The following ADGRV1 variants were observed in gnomAD, a reference collection of about 807,000 sequenced individuals.
ADGRV1 encodes the protein adhesion G protein-coupled receptor V1.
Under a neutral mutation model 596.2 loss-of-function variants are expected in ADGRV1, and 359 were observed. The ratio of observed to expected loss-of-function variants is 0.60; its 90% CI spans 0.55 to 0.66. The LOEUF (loss-of-function observed/expected upper bound fraction) is 0.66. ADGRV1 is among the 30% of genes least tolerant of loss of function. The pLI is 0.00. For missense variants in ADGRV1, 7,274 were observed against 7,575.6 expected, an observed-to-expected ratio of 0.96 and a Z score of 1.48; for synonymous variants, 2,681 against 2,679.2, an observed-to-expected ratio of 1.00 and a Z score of -0.02.
At chr5:90,672,772 C>T (rs753612137) in intron 22 of ADGRV1, 50 bp downstream of exon 22, 23 of 1,370,526 alleles carry the variant, frequency 1.7e-5, no homozygotes, top group Admixed American at 2.2e-5. Context: ...AAAGCTTTTC[C>T]TGAAGTGTTT....
Position 90,739,045 on chromosome 5 carries a change from A to G in ADGRV1, c.10550-6001A>G, listed in dbSNP as rs187137449. 1.6e-3 allele frequency among the ~76,000 whole-genome samples: 248 copies of G among 151,016 alleles called. 1 individual carries two copies. Among genetic ancestry groups the G allele is most frequent in the Non-Finnish European group, 2.4e-3 (164 of 67,758 alleles). Reference sequence around the variant, plus strand: ...CTTTAAGTATCCTATCTTTTAATTCACTAATTTTCTTTCTTCTGCTTGATC... The same window carrying G: ...CTTTAAGTATCCTATCTTTTAATTCGCTAATTTTCTTTCTTCTGCTTGATC... On this transcript the variant is annotated intron_variant, in intron 50 of 89. Transcript: ENST00000405460.
chr5:91,043,414 TG>T (rs1344931315), intron 85 of ADGRV1, among the ~76,000 whole-genome samples: 143 of 152,246 alleles, frequency 9.4e-4, no homozygotes, highest in Admixed American at 9.3e-3. Flanking sequence ...CTACCACTTT[TG>T]TAAGGAGACA....
intron 86 of ADGRV1, chr5:91,092,475 T>A (rs1001130594): frequency 1.3e-5 from 2 of 152,194 alleles, no homozygotes; most frequent in South Asian, 4.1e-4. Flanking sequence ...CAGGTCTGCA[T>A]GCTGAAAACA....
intron 83 of ADGRV1, among the ~76,000 whole-genome samples, chr5:90,909,582 C>A (rs1353585338): frequency 9.4e-6 from 1 of 106,592 alleles, no homozygotes. Context: ...ATGAAGGGTT[C>A]ATTTGTGGGA....
chr5:91,071,152 G>C (rs1049853215), intron 85 of ADGRV1, among the ~76,000 whole-genome samples: 1 of 152,168 alleles, frequency 6.6e-6, no homozygotes, highest in African/African-American at 2.4e-5. Context: ...AGAAGGGAGA[G>C]GGGGTGGAGG....
intron 25 of ADGRV1, among the ~76,000 whole-genome samples, chr5:90,678,306 AT>A (rs1350906518): frequency 6.6e-6 from 1 of 151,606 alleles, no homozygotes; most frequent in Non-Finnish European, 1.5e-5. Flanking sequence ...CTTTTTTTCT[AT>A]TGCTGTCATC....
rs79708454 is a variant in ADGRV1 at position 90,712,651 on chromosome 5, T to TA, written c.9184+224dup. Reference sequence around the variant, plus strand: ...GTATGTAAAAGACAAAGTAGGTTGATACTACAGATAATATTATTTCCTCAG... The same window carrying TA: ...GTATGTAAAAGACAAAGTAGGTTGATAACTACAGATAATATTATTTCCTCAG... On this transcript the variant is annotated intron_variant, in intron 42 of 89. Coordinates refer to ENST00000405460, the MANE Select transcript of ADGRV1 (RefSeq NM_032119.4). Among the ~76,000 whole-genome samples the TA allele has an allele frequency of 5.6e-4, 86 of 152,308 alleles. 1 individual carries two copies. In the East Asian group the frequency reaches 0.012, roughly 21 times the overall value.
Position 90,783,147 on chromosome 5 carries a change from A to AGG in ADGRV1, c.13255_13256insGG (p.Met4419ArgfsTer2). The AGG allele has an allele frequency of 6.2e-7, 1 of 1,613,568 alleles. No individual in the cohort carries two copies. ...AGTGGAGGAAGATGTTGGGCTGATC[A>AGG]TGATCCCAGTGGTGAGGCTACATGG... On this transcript the variant is annotated frameshift_variant, in exon 66 of 90. Transcript: ENST00000405460. LOFTEE classifies it high-confidence loss of function.
At chr5:90,797,858 T>A (rs1760924757) in intron 70 of ADGRV1, among the ~76,000 whole-genome samples, 1 of 152,048 alleles carries the variant, frequency 6.6e-6, no homozygotes, top group African/African-American at 2.4e-5. Flanking sequence ...AAGGCAGAAA[T>A]AAAGATATTC....
rs779579459 is a variant in ADGRV1 at position 90,642,866 on chromosome 5, C to T, written c.2378C>T (p.Ser793Phe). ...RGPYVIKEGE[S>F]VELHIIRSRG... ...GATTTGTTTTTAAAGGAAGGAGAAT[C>T]TGTAGAGCTCCACATCATCCGATCA... Residue 793 changes from serine to phenylalanine, a missense_variant, in exon 13 of 90, where the codon TCT becomes TTT. Ser to Phe is a radical substitution (Grantham distance 155). This residue lies in a region of ADGRV1 where 1,715 missense variants were observed against 1,708.8 expected (regional missense o/e 1.00). Coordinates refer to ENST00000405460, the MANE Select transcript of ADGRV1 (RefSeq NM_032119.4). The T allele has an allele frequency of 6.2e-7, 1 of 1,602,240 alleles. No homozygotes were observed. The highest frequency in any genetic ancestry group is 1.3e-5 in the African/African-American group (1 of 74,186).
At chr5:91,044,380 C>G (rs1785615640) in intron 85 of ADGRV1, among the ~76,000 whole-genome samples, 2 of 152,082 alleles carry the variant, frequency 1.3e-5, no homozygotes, top group South Asian at 4.1e-4. Flanking sequence ...TAAGACAGTT[C>G]TCTACACACA....
At chr5:90,743,320 T>C (rs1339200580) in intron 50 of ADGRV1, among the ~76,000 whole-genome samples, 4 of 152,182 alleles carry the variant, frequency 2.6e-5, no homozygotes. Flanking sequence ...TTTAAGTCCA[T>C]TACTATAAAT....
At chr5:91,007,100 GA>G (rs1313104910) in intron 85 of ADGRV1, among the ~76,000 whole-genome samples, 1 of 152,228 alleles carries the variant, frequency 6.6e-6, no homozygotes, top group Non-Finnish European at 1.5e-5. Flanking sequence ...AGTTGGGATT[GA>G]AAAGACAGTG....
At chr5:91,056,333 A>T (rs1271935438) in intron 85 of ADGRV1, among the ~76,000 whole-genome samples, 2 of 151,880 alleles carry the variant, frequency 1.3e-5, no homozygotes, top group African/African-American at 4.8e-5. Flanking sequence ...AGTGACCATG[A>T]CCTTTTTTTT....
At chr5:91,087,541 A>G (rs888320777) in intron 86 of ADGRV1, among the ~76,000 whole-genome samples, 6 of 151,726 alleles carry the variant, frequency 4.0e-5, no homozygotes, top group African/African-American at 1.2e-4. Context: ...ACCTGAGGTG[A>G]TCCACCTGCC....
At chr5:91,025,222 C>T (rs1039248928) in intron 85 of ADGRV1, among the ~76,000 whole-genome samples, 1 of 152,072 alleles carries the variant, frequency 6.6e-6, no homozygotes, top group Non-Finnish European at 1.5e-5. Flanking sequence ...CACAGTTTCC[C>T]ACCTCCTCCC....
At chr5:90,842,717 CA>C (rs879465710) in intron 78 of ADGRV1, among the ~76,000 whole-genome samples, 30 of 143,160 alleles carry the variant, frequency 2.1e-4, no homozygotes, top group East Asian at 1.2e-3. Context: ...GACTCCATCT[CA>C]AAAAAAAAAA....
chr5:90,745,639 A>G lies in ADGRV1; in HGVS notation c.10818A>G (p.Ala3606=), dbSNP rs746968588. 3 of 1,612,962 alleles carry G rather than the reference A, an allele frequency of 1.9e-6. No homozygotes were observed. The highest frequency in any genetic ancestry group is 1.3e-5 in the African/African-American group (1 of 75,040). ...FEPGEREATI[A]VNILDDTVPE... is the part of the protein sequence containing the mutation. ...CTGGTGAGAGAGAAGCTACAATAGC[A>G]GTAAATATCCTTGATGATACAGTTC... The change falls in exon 52 of 90, where the codon GCA becomes GCG. Residue 3606 remains alanine (A), a synonymous_variant. Transcript: ENST00000405460.
At chr5:90,756,413 TA>T (rs753977677) in intron 55 of ADGRV1, 40 bp from the exon 56 acceptor site, 682 of 1,332,544 alleles carry the variant, frequency 5.1e-4, no homozygotes, top group East Asian at 2.2e-3. Flanking sequence ...TTAAATGTCT[TA>T]AAAAAAAATG....
Sources: allele counts gnomAD v4.1 joint callset (sites outside exome capture counted in the v4.1 genomes callset), GRCh38; gene constraint gnomAD v4.1.1; regional missense constraint gnomAD v4.1.1; transcripts MANE v1.5; gene names NCBI Gene and HGNC (gene_info 2026-07-23, HGNC 2026-07-21).